Variants in PLOD2 observed in about 807,000 individuals in gnomAD.
The protein encoded by PLOD2 is procollagen-lysine,2-oxoglutarate 5-dioxygenase 2.
In PLOD2, 65 loss-of-function variants were observed where a neutral mutation model predicts 101.0. That is an observed-to-expected ratio of 0.64 (90% CI 0.53 to 0.79). The LOEUF (loss-of-function observed/expected upper bound fraction) is 0.79. Ranked by LOEUF, PLOD2 falls within the 30% of genes least tolerant of loss-of-function variation. The pLI is 0.00. For synonymous variants in PLOD2, 314 were observed against 302.9 expected, an observed-to-expected ratio of 1.04 and a Z score of -0.38; for missense variants, 909 against 914.6, an observed-to-expected ratio of 0.99 and a Z score of 0.08.
At chr3:146,146,631 G>C (rs1341960915) in intron 1 of PLOD2, among the ~76,000 whole-genome samples, 1 of 152,150 alleles carries the variant, frequency 6.6e-6, no homozygotes, top group African/African-American at 2.4e-5. Context: ...TGGGCATAAG[G>C]AATCAACAGA....
At chr3:146,075,487 T>TTAAAA (rs371207883) in intron 15 of PLOD2, among the ~76,000 whole-genome samples, 1 of 93,672 alleles carries the variant, frequency 1.1e-5, no homozygotes, top group East Asian at 3.2e-4. Context: ...CTCAAATCTG[T>TTAAAA]AAAAAAAAAA....
At chr3:146,104,807 T>C (rs1298446015) in intron 5 of PLOD2, among the ~76,000 whole-genome samples, 1 of 152,192 alleles carries the variant, frequency 6.6e-6, no homozygotes, top group Non-Finnish European at 1.5e-5. Context: ...GGAACTCAGA[T>C]TTCAGGAGCA....
chr3:146,127,343 TTG>T (rs143050001), intron 1 of PLOD2, among the ~76,000 whole-genome samples: 85 of 152,188 alleles, frequency 5.6e-4, no homozygotes, highest in African/African-American at 2.0e-3. Context: ...CTCCTGCTTT[TTG>T]GAGTCCCCAG....
chr3:146,147,588 C>A (rs1481291344), intron 1 of PLOD2, among the ~76,000 whole-genome samples: 1 of 151,972 alleles, frequency 6.6e-6, no homozygotes, highest in South Asian at 2.1e-4. Context: ...TTAGCAGGGT[C>A]CCTGGACTCA....
intron 3 of PLOD2, among the ~76,000 whole-genome samples, chr3:146,110,980 G>C (rs1937620064): frequency 1.3e-5 from 2 of 152,016 alleles, no homozygotes; most frequent in South Asian, 4.1e-4. Flanking sequence ...GACAACTGCA[G>C]GTTTTTAAAG....
intron 1 of PLOD2, among the ~76,000 whole-genome samples, chr3:146,134,367 T>C (rs1384780881): frequency 1.3e-5 from 2 of 152,240 alleles, no homozygotes; most frequent in African/African-American, 4.8e-5. Context: ...TCAAATGTTA[T>C]AAAAATGTAT....
chr3:146,095,845 G>C (rs1328505323), intron 7 of PLOD2, among the ~76,000 whole-genome samples: 1 of 147,828 alleles, frequency 6.8e-6, no homozygotes, highest in East Asian at 2.1e-4. Flanking sequence ...AAGAAAATGT[G>C]GCATATACCC....
Position 146,107,825 on chromosome 3 carries a change from G to C in PLOD2, c.503-1181C>G, listed in dbSNP as rs181420545. On this transcript the variant is annotated intron_variant, in intron 4 of 19. Coordinates refer to ENST00000282903, the MANE Select transcript of PLOD2 (RefSeq NM_182943.3). ...TGCCCGACTAATTTTTGTATTTTTA[G>C]TAGAGATGGGGTTTCGCCATGTTGG... Among the ~76,000 whole-genome samples, 158 of 151,700 alleles carry C rather than the reference G, an allele frequency of 1.0e-3. 1 individual carries two copies. Among genetic ancestry groups the C allele is most frequent in the African/African-American group, 3.6e-3 (148 of 41,382 alleles).
chr3:146,112,822 G>T (rs1385504447), intron 3 of PLOD2, among the ~76,000 whole-genome samples: 2 of 141,860 alleles, frequency 1.4e-5, no homozygotes, highest in Non-Finnish European at 3.0e-5. Context: ...CTGCACTCCA[G>T]CCTGGTGACA....
In PLOD2 at chr3:146,070,856, A is replaced by T; in HGVS notation, c.2138T>A (p.Phe713Tyr). 1 of 1,610,064 alleles carries T rather than the reference A, an allele frequency of 6.2e-7. No individual in the cohort carries two copies. Reference protein sequence around the residue: ...GEDFQGGGCKFLRYNCSIESP... With the variant: ...GEDFQGGGCKYLRYNCSIESP... Reference sequence around the variant, plus strand: ...CTCAATAGAGCAATTGTACCTTAGAAATTTGCAACCACCTCCCTAAAAAAG... The same window carrying T: ...CTCAATAGAGCAATTGTACCTTAGATATTTGCAACCACCTCCCTAAAAAAG... Residue 713 changes from phenylalanine to tyrosine, a missense_variant, in exon 20 of 20, where the codon TTT becomes TAT. Phe to Tyr is a conservative substitution (Grantham distance 22, BLOSUM62 3). Coordinates refer to ENST00000282903, the MANE Select transcript of PLOD2 (RefSeq NM_182943.3).
chr3:146,080,023 C>A (rs1349035733), intron 12 of PLOD2, among the ~76,000 whole-genome samples: 1 of 151,918 alleles, frequency 6.6e-6, no homozygotes, highest in Admixed American at 6.6e-5. Flanking sequence ...TAAGACTGTG[C>A]GCCTTTCTTT....
At chr3:146,133,869 A>C (rs574016877) in intron 1 of PLOD2, among the ~76,000 whole-genome samples, 1 of 152,324 alleles carries the variant, frequency 6.6e-6, no homozygotes, top group African/African-American at 2.4e-5. Flanking sequence ...AACCAAACAA[A>C]CAAAAACAAA....
chr3:146,116,544 T>C (rs901678453), intron 3 of PLOD2, among the ~76,000 whole-genome samples: 1 of 152,200 alleles, frequency 6.6e-6, no homozygotes, highest in Non-Finnish European at 1.5e-5. Flanking sequence ...CTTCCATGTT[T>C]ACTGCAACAC....
intron 1 of PLOD2, among the ~76,000 whole-genome samples, chr3:146,151,529 C>T (rs2032054264): frequency 1.3e-5 from 2 of 151,992 alleles, no homozygotes; most frequent in East Asian, 3.9e-4. Context: ...CATCAAATCA[C>T]AGCACTGTAA....
chr3:146,097,202 C>A (rs1937222855), intron 7 of PLOD2, among the ~76,000 whole-genome samples: 3 of 151,300 alleles, frequency 2.0e-5, no homozygotes, highest in East Asian at 2.0e-4. Context: ...GCCCGGCCAG[C>A]CGCCCCATCC....
At chr3:146,124,578 C>T (rs1327623118) in intron 1 of PLOD2, among the ~76,000 whole-genome samples, 1 of 152,012 alleles carries the variant, frequency 6.6e-6, no homozygotes, top group East Asian at 1.9e-4. Flanking sequence ...CAACAAACTT[C>T]AACATCATCG....
At chr3:146,097,021 G>A (rs1263064024) in intron 7 of PLOD2, among the ~76,000 whole-genome samples, 21 of 138,058 alleles carry the variant, frequency 1.5e-4, no homozygotes, top group Non-Finnish European at 2.9e-4. Context: ...CCCCCCGCCC[G>A]GCCAGCCGCC....
intron 14 of PLOD2, chr3:146,077,170 T>G: frequency 9.5e-7 from 1 of 1,056,830 alleles, no homozygotes; most frequent in Non-Finnish European, 1.1e-6. Flanking sequence ...TGATCCTAGA[T>G]GTAGACATCG....
chr3:146,159,881 C>T (rs1486746107), intron 1 of PLOD2, among the ~76,000 whole-genome samples: 2 of 152,176 alleles, frequency 1.3e-5, no homozygotes, highest in Non-Finnish European at 2.9e-5. Flanking sequence ...ACAAAACTAT[C>T]GCTACATGGA....
Sources: allele counts gnomAD v4.1 joint callset (sites outside exome capture counted in the v4.1 genomes callset), GRCh38; gene constraint gnomAD v4.1.1; transcripts MANE v1.5; gene names NCBI Gene and HGNC (gene_info 2026-07-23, HGNC 2026-07-21).